The following TMEM116 variants were observed in gnomAD, a reference collection of about 807,000 sequenced individuals.
TMEM116 encodes transmembrane protein 116.
Under a neutral mutation model 44.3 loss-of-function variants are expected in TMEM116, and 38 were observed. The ratio of observed to expected loss-of-function variants is 0.86; its 90% CI spans 0.66 to 1.12. The LOEUF (loss-of-function observed/expected upper bound fraction) is 1.12, where lower values mean the gene tolerates loss of function less well. Ranked by LOEUF, TMEM116 falls within the 50% of genes most tolerant of loss-of-function variation. The pLI is 0.00. For synonymous variants in TMEM116, 132 were observed against 144.8 expected (o/e 0.91, Z 0.64); for missense variants, 354 against 401.7 (o/e 0.88, Z 1.01).
At chr12:111,953,590 A>C (rs1458849578) in intron 4 of TMEM116, among the ~76,000 whole-genome samples, 2 of 152,180 alleles carry the variant, frequency 1.3e-5, no homozygotes, top group Non-Finnish European at 2.9e-5. Context: ...TACACACACA[A>C]AAAGTACTTA....
intron 4 of TMEM116, among the ~76,000 whole-genome samples, chr12:111,962,648 T>C (rs569921864): frequency 6.6e-6 from 1 of 152,266 alleles, no homozygotes; most frequent in African/African-American, 2.4e-5. Context: ...TCCTTACACC[T>C]TATACAAAAA....
At chr12:111,957,927 T>G (rs1428359520) in intron 4 of TMEM116, among the ~76,000 whole-genome samples, 1 of 152,200 alleles carries the variant, frequency 6.6e-6, no homozygotes, top group Non-Finnish European at 1.5e-5. Flanking sequence ...TGTTCTGTAC[T>G]AGGAAAAATT....
chr12:111,942,423 C>A (rs1332643874), intron 5 of TMEM116, among the ~76,000 whole-genome samples: 7 of 152,144 alleles, frequency 4.6e-5, no homozygotes. Flanking sequence ...CAGGCGCCCG[C>A]CACCACGTCT....
At chr12:111,944,541 C>A (rs1415756972) in intron 4 of TMEM116, among the ~76,000 whole-genome samples, 1 of 152,030 alleles carries the variant, frequency 6.6e-6, no homozygotes, top group East Asian at 1.9e-4. Context: ...TCCAAACAGA[C>A]CACTGTCTTG....
intron 4 of TMEM116, among the ~76,000 whole-genome samples, chr12:111,976,627 A>C (rs1369958696): frequency 1.3e-5 from 2 of 152,228 alleles, no homozygotes; most frequent in Non-Finnish European, 2.9e-5. Context: ...CTGACAAGAC[A>C]AGCATTAGAC....
chr12:111,967,417 G>T (rs959834158), intron 4 of TMEM116, among the ~76,000 whole-genome samples: 7 of 151,870 alleles, frequency 4.6e-5, no homozygotes, highest in Non-Finnish European at 7.4e-5. Context: ...CTCCAACCTG[G>T]CAGGCTTATC....
intron 4 of TMEM116, among the ~76,000 whole-genome samples, chr12:111,951,634 G>A (rs2073740700): frequency 6.6e-6 from 1 of 152,080 alleles, no homozygotes; most frequent in African/African-American, 2.4e-5. Flanking sequence ...GACACATAGA[G>A]GGAAACAACA....
chr12:111,974,857 A>T (rs2075575825), intron 4 of TMEM116, among the ~76,000 whole-genome samples: 3 of 152,082 alleles, frequency 2.0e-5, no homozygotes, highest in African/African-American at 7.2e-5. Flanking sequence ...ATTTCTATAT[A>T]ATAATAAACA....
At chr12:111,934,449 T>C (rs2071955546) in intron 8 of TMEM116, 1 of 154,466 alleles carries the variant, frequency 6.5e-6, no homozygotes, top group African/African-American at 2.4e-5. Context: ...TTCTCAACTC[T>C]AAGCAACAGA....
rs757687891 is a variant in TMEM116, at chr12:111,931,621, T to G, written c.1014A>C (p.Ter338CysextTer27). 7 of 1,613,712 alleles carry G rather than the reference T, an allele frequency of 4.3e-6. No individual in the cohort carries two copies. The Admixed American group carries it at 1.2e-4, about 27-fold the overall frequency. The change falls in exon 11 of 11, where the codon TGA becomes TGC. Residue 338 changes from the stop codon to cysteine, a stop_lost. Transcript: ENST00000552374. ...TCCTGGATGTTCCAGTATTGTAGTT[T>G]CAAAAAATGGTAGAAGTACTGGCAG... ...TFPASTSTIF[*>C]
At chr12:111,932,434 C>T (rs371628408) in intron 10 of TMEM116, 152 bp downstream of exon 10, 11 of 666,336 alleles carry the variant, frequency 1.7e-5, no homozygotes, top group East Asian at 1.6e-4. Flanking sequence ...AAAATTTTCA[C>T]ATTCTTCATA....
chr12:111,952,226 TCAAAA>T (rs1255260004), intron 4 of TMEM116, among the ~76,000 whole-genome samples: 2 of 152,020 alleles, frequency 1.3e-5, no homozygotes, highest in Non-Finnish European at 2.9e-5. Flanking sequence ...AGATTCCATC[TCAAAA>T]CAAAACAAAA....
At chr12:111,972,030 A>T (rs2075366211) in intron 4 of TMEM116, among the ~76,000 whole-genome samples, 2 of 144,862 alleles carry the variant, frequency 1.4e-5, no homozygotes, top group Admixed American at 7.0e-5. Flanking sequence ...AGCTATTATC[A>T]TGCCACTACA....
At chr12:111,953,471 G>A (rs901865184) in intron 4 of TMEM116, among the ~76,000 whole-genome samples, 4 of 152,200 alleles carry the variant, frequency 2.6e-5, no homozygotes, top group African/African-American at 9.7e-5. Flanking sequence ...GACAAATGGA[G>A]CCAGGGAAGG....
At chr12:111,966,569 G>A (rs920288867) in intron 4 of TMEM116, among the ~76,000 whole-genome samples, 1 of 152,192 alleles carries the variant, frequency 6.6e-6, no homozygotes, top group African/African-American at 2.4e-5. Flanking sequence ...TTTTAAAAGA[G>A]AATTGCCAGT....
chr12:111,932,478 A>G (rs563644675), intron 10 of TMEM116, 108 bp downstream of exon 10: 7 of 877,670 alleles, frequency 8.0e-6, no homozygotes, highest in African/African-American at 6.8e-5. Flanking sequence ...CTCTTTTGCA[A>G]TGTAGAAGTA....
At chr12:112,004,857 C>T (rs1391836332) in intron 2 of TMEM116, among the ~76,000 whole-genome samples, 1 of 151,874 alleles carries the variant, frequency 6.6e-6, no homozygotes, top group Non-Finnish European at 1.5e-5. Flanking sequence ...ACCATGTTGC[C>T]CAGGATGGTC....
chr12:111,960,264 T>G (rs905657319), intron 4 of TMEM116, among the ~76,000 whole-genome samples: 1 of 150,454 alleles, frequency 6.6e-6, no homozygotes, highest in African/African-American at 2.4e-5. Context: ...CTGAGGCGGG[T>G]AGATCACAAG....
intron 4 of TMEM116, among the ~76,000 whole-genome samples, chr12:111,990,924 T>C (rs571628033): frequency 3.9e-5 from 6 of 152,228 alleles, no homozygotes; most frequent in Non-Finnish European, 4.4e-5. Context: ...AAACAGGTTA[T>C]AAAAAGTATT....
Sources: gnomAD v4.1 joint callset for allele counts (sites outside exome capture counted in the v4.1 genomes callset) on GRCh38, gnomAD v4.1.1 for gene constraint, MANE v1.5 for transcripts, NCBI Gene and HGNC (gene_info 2026-07-23, HGNC 2026-07-21) for gene names.